PPP1R1C: variants seen among roughly 807,000 people sequenced by gnomAD.
PPP1R1C encodes protein phosphatase 1 regulatory subunit 1C.
A neutral mutation model predicts 17.4 loss-of-function variants in PPP1R1C; 15 were observed. The ratio of observed to expected loss-of-function variants is 0.86; its 90% CI spans 0.58 to 1.33. The LOEUF (loss-of-function observed/expected upper bound fraction) is 1.33, where lower values mean the gene tolerates loss of function less well. PPP1R1C is among the 40% of genes most tolerant of loss of function. PPP1R1C has a pLI of 0.00. For synonymous variants in PPP1R1C, 35 were observed against 43.1 expected (o/e 0.81, Z 0.73); for missense variants, 143 against 130.0 (o/e 1.10, Z -0.48).
At chr2:182,043,521 G>C (rs1687248115) in intron 2 of PPP1R1C, among the ~76,000 whole-genome samples, 1 of 152,082 alleles carries the variant, frequency 6.6e-6, no homozygotes, top group Non-Finnish European at 1.5e-5. Flanking sequence ...TATATGCCCA[G>C]ACATGGTATG....
In PPP1R1C at chr2:182,004,986, A is replaced by C. The variant is rs1043348532; in HGVS notation, c.142+17087A>C. ...GAACCCATTACTCTAGACATGGTAG[A>C]TAAAATAGCCCTCATTCTAATCTCA... On this transcript the variant is annotated intron_variant, in intron 2 of 4. Transcript: ENST00000682840. Among the ~76,000 whole-genome samples the C allele has an allele frequency of 4.5e-4, 68 of 152,224 alleles. 1 individual carries two copies. Among genetic ancestry groups the C allele is most frequent in the African/African-American group, 1.6e-3 (65 of 41,466 alleles).
At chr2:182,062,592 C>T (rs1196159) in intron 3 of PPP1R1C, among the ~76,000 whole-genome samples, 151,340 of 152,186 alleles carry the variant, frequency 0.99, 75,256 homozygotes, top group East Asian at 1. Flanking sequence ...AATTTGCTTA[C>T]ACTATTTGCT....
rs1685098775 is a variant in PPP1R1C, at chr2:181,976,819, T to G, written n.157+1555T>G. ...TGTTTGAAGGAGGCTTTCTTTTAAC[T>G]GTCAAGGTGTTTTTTAAAGAACTTG... On this transcript the variant is annotated intron_variant and non_coding_transcript_variant, in intron 2 of 5. Transcript: ENST00000464264. The surrounding 1 kb of genome is among the most constrained non-coding windows in gnomAD (Gnocchi z 4.8). 6.6e-6 allele frequency among the ~76,000 whole-genome samples: 1 copy of G among 152,186 alleles called. No homozygotes were observed. The highest frequency in any genetic ancestry group is 6.5e-5 in the Admixed American group (1 of 15,280).
At chr2:182,092,401 G>A (rs540348781) in intron 4 of PPP1R1C, among the ~76,000 whole-genome samples, 1 of 152,126 alleles carries the variant, frequency 6.6e-6, no homozygotes, top group Non-Finnish European at 1.5e-5. Flanking sequence ...AGATTTGGGT[G>A]GGGACACAGA....
At chr2:182,091,575 T>C (rs1688783016) in intron 4 of PPP1R1C, among the ~76,000 whole-genome samples, 1 of 152,166 alleles carries the variant, frequency 6.6e-6, no homozygotes, top group African/African-American at 2.4e-5. Flanking sequence ...GGATAGAAGA[T>C]ACTTGAGTTA....
At chr2:182,076,296 G>A (rs1213369644) in intron 4 of PPP1R1C, among the ~76,000 whole-genome samples, 1 of 124,532 alleles carries the variant, frequency 8.0e-6, no homozygotes, top group Non-Finnish European at 1.6e-5. Context: ...CCAGGTTCAC[G>A]CCATTCTCCT....
chr2:182,010,293 T>G (rs1254830818), intron 2 of PPP1R1C, among the ~76,000 whole-genome samples: 1 of 152,076 alleles, frequency 6.6e-6, no homozygotes, highest in Non-Finnish European at 1.5e-5. Flanking sequence ...CCTTTTCATT[T>G]TCTTTCATCA....
intron 2 of PPP1R1C, among the ~76,000 whole-genome samples, chr2:182,053,241 TGTG>T (rs1294613754): frequency 1.3e-5 from 2 of 152,200 alleles, no homozygotes; most frequent in Non-Finnish European, 2.9e-5. Flanking sequence ...ATAATCTAGT[TGTG>T]GTGAAAAATG....
intron 4 of PPP1R1C, among the ~76,000 whole-genome samples, chr2:182,095,567 G>T (rs1342583774): frequency 2.0e-5 from 3 of 152,090 alleles, no homozygotes; most frequent in Admixed American, 1.3e-4. Context: ...TATCACTTCT[G>T]TCACTCCCTT....
intron 1 of PPP1R1C, among the ~76,000 whole-genome samples, chr2:181,973,608 T>A (rs79268895): frequency 0.042 from 6,372 of 152,280 alleles, 261 homozygotes; most frequent in Admixed American, 0.15. Flanking sequence ...AAGACGAATG[T>A]TTCAGTGTCA....
intron 1 of PPP1R1C, among the ~76,000 whole-genome samples, chr2:181,974,381 A>C (rs545489246): frequency 6.6e-6 from 1 of 152,332 alleles, no homozygotes; most frequent in African/African-American, 2.4e-5. Flanking sequence ...TGAACAGAAG[A>C]TGCTGTTAAA....
rs941975496 is a variant in PPP1R1C at position 181,962,384 on chromosome 2, A to G, written n.111+7750A>G. The G allele has an allele frequency of 1.2e-6, 1 of 826,222 alleles. No individual in the cohort carries two copies. Among genetic ancestry groups the G allele is most frequent in the Non-Finnish European group, 2.0e-6 (1 of 496,220 alleles). 51.2% of individuals were successfully genotyped at this position (826,222 alleles called of 1,614,324 possible). ...CCCGGCGCCTGCATAGACGCTGGCC[A>G]TGCAGCTGGCCGGCCGGGCGCCGTA... On this transcript the variant is annotated intron_variant and non_coding_transcript_variant, in intron 1 of 5. Coordinates refer to the PPP1R1C transcript ENST00000464264. This position sits in a 1 kb window ranked among gnomAD's most constrained non-coding sequence, Gnocchi z 6.0.
Position 181,961,684 on chromosome 2 carries a change from T to C in PPP1R1C, n.111+7050T>C. The stretch of plus-strand genomic sequence containing the variant: ...CTGCTGAGACCAGCACTTGTCCAGC[T>C]CCTCTCAGTTCTTTCGAGTCAGCTC... On this transcript the variant is annotated intron_variant and non_coding_transcript_variant, in intron 1 of 5. Coordinates refer to the PPP1R1C transcript ENST00000464264. This position sits in a 1 kb window ranked among gnomAD's most constrained non-coding sequence, Gnocchi z 5.8. 1 of 769,028 alleles carries C rather than the reference T, an allele frequency of 1.3e-6. No homozygotes were observed. Among genetic ancestry groups the C allele is most frequent in the South Asian group, 1.4e-5 (1 of 72,756 alleles). The allele number at this position is 769,028 out of a possible 1,614,324, so 47.6% of individuals were successfully genotyped here.
At chr2:182,042,816 A>G (rs183352728) in intron 2 of PPP1R1C, among the ~76,000 whole-genome samples, 1 of 152,354 alleles carries the variant, frequency 6.6e-6, no homozygotes, top group East Asian at 1.9e-4. Flanking sequence ...ACTGAAACCA[A>G]GTCACATTAA....
chr2:182,119,067 AC>A (rs1329340279), downstream of PPP1R1C, among the ~76,000 whole-genome samples: 1 of 150,100 alleles, frequency 6.7e-6, no homozygotes, highest in Non-Finnish European at 1.5e-5. Flanking sequence ...CACCCACCCC[AC>A]AGCAGGCCCC....
intron 2 of PPP1R1C, among the ~76,000 whole-genome samples, chr2:182,008,960 C>T (rs114394821): frequency 1.3e-5 from 2 of 152,072 alleles, no homozygotes; most frequent in Non-Finnish European, 2.9e-5. Context: ...AATGACAGGA[C>T]CTCATTCTTT....
At chr2:182,065,156 C>A (rs1001321639) in intron 4 of PPP1R1C, among the ~76,000 whole-genome samples, 1 of 151,988 alleles carries the variant, frequency 6.6e-6, no homozygotes, top group African/African-American at 2.4e-5. Context: ...CAAGTCTCCC[C>A]GAGATACTCA....
intron 2 of PPP1R1C, among the ~76,000 whole-genome samples, chr2:182,002,155 T>A (rs1685785254): frequency 6.6e-6 from 1 of 151,606 alleles, no homozygotes. Context: ...CTTCTTAGCA[T>A]TTTTTCCTGA....
chr2:182,115,182 C>T (rs1689546964), intron 4 of PPP1R1C, among the ~76,000 whole-genome samples: 1 of 152,090 alleles, frequency 6.6e-6, no homozygotes, highest in Non-Finnish European at 1.5e-5. Context: ...TGAATGATTA[C>T]TGTGTCTTAA....
Sources: allele counts gnomAD v4.1 joint callset (sites outside exome capture counted in the v4.1 genomes callset), GRCh38; gene constraint gnomAD v4.1.1; non-coding constraint Gnocchi (gnomAD v3.1); transcripts MANE v1.5; gene names NCBI Gene and HGNC (gene_info 2026-07-23, HGNC 2026-07-21).